PLXNA4: variants seen among roughly 807,000 people sequenced by gnomAD.
PLXNA4 encodes the protein plexin A4, also known as plexin-A4.
PLXNA4 carries 44 observed loss-of-function variants against 191.8 expected under a neutral mutation model. The ratio of observed to expected loss-of-function variants is 0.23; its 90% CI spans 0.18 to 0.29. The LOEUF (loss-of-function observed/expected upper bound fraction) is 0.29. Ranked by LOEUF, PLXNA4 falls within the 10% of genes least tolerant of loss-of-function variation. The pLI is 1.00. For missense variants in PLXNA4, 1,800 were observed against 2,488.8 expected (o/e 0.72, Z 5.89); for synonymous variants, 1,082 against 1,009.5 (o/e 1.07, Z -1.36).
intron 5 of PLXNA4, among the ~76,000 whole-genome samples, chr7:132,240,098 C>T (rs1223319520): frequency 1.3e-5 from 2 of 152,180 alleles, no homozygotes; most frequent in East Asian, 1.9e-4. Flanking sequence ...TCATTGGTCA[C>T]ATGTAGTTCA....
chr7:132,319,273 C>T (rs567978264), intron 3 of PLXNA4, among the ~76,000 whole-genome samples: 3 of 152,190 alleles, frequency 2.0e-5, no homozygotes, highest in Admixed American at 6.5e-5. Flanking sequence ...GAGACTCTCA[C>T]GCAGCATGGC....
chr7:132,163,266 A>C (rs1281393426), intron 24 of PLXNA4, among the ~76,000 whole-genome samples: 12 of 152,216 alleles, frequency 7.9e-5, no homozygotes, highest in Admixed American at 7.8e-4. Context: ...GCACGGTGAC[A>C]GTGGGGAGAG....
intron 21 of PLXNA4, among the ~76,000 whole-genome samples, chr7:132,170,087 A>C (rs976300086): frequency 6.6e-6 from 1 of 152,090 alleles, no homozygotes; most frequent in African/African-American, 2.4e-5. Context: ...GCCTGGTTTC[A>C]GAGTCGGTCA....
intron 3 of PLXNA4, among the ~76,000 whole-genome samples, chr7:132,464,707 C>A (rs1412224089): frequency 2.0e-5 from 3 of 152,176 alleles, no homozygotes; most frequent in Non-Finnish European, 4.4e-5. Context: ...ATACAACAAC[C>A]TTTATTGATC....
intron 3 of PLXNA4, among the ~76,000 whole-genome samples, chr7:132,303,065 C>T (rs1174649207): frequency 4.0e-5 from 6 of 151,494 alleles, no homozygotes; most frequent in South Asian, 4.2e-4. Flanking sequence ...TTAGTAGAGA[C>T]GGGGTTTCAC....
chr7:132,257,767 G>A lies in PLXNA4; in HGVS notation c.1504-16601C>T, dbSNP rs376874040. On this transcript the variant is annotated intron_variant, in intron 4 of 31. Coordinates refer to ENST00000321063, the MANE Select transcript of PLXNA4 (RefSeq NM_020911.2). ...TCAGTTGTGGCCCTGTAGATTTGAA[G>A]GGAAGGCCGTGGGCTGGTTTACTAG... Among the ~76,000 whole-genome samples, 100 of 152,320 alleles carry A rather than the reference G, an allele frequency of 6.6e-4. No homozygotes were observed. The South Asian group carries it at 0.019, about 29-fold the overall frequency.
intron 3 of PLXNA4, among the ~76,000 whole-genome samples, chr7:132,344,377 C>CA (rs1437002050): frequency 6.6e-6 from 1 of 152,018 alleles, no homozygotes; most frequent in Non-Finnish European, 1.5e-5. Context: ...TTTCACAAGA[C>CA]AAAAAAACAG....
chr7:132,438,446 A>C (rs1795558309), intron 3 of PLXNA4, among the ~76,000 whole-genome samples: 1 of 152,242 alleles, frequency 6.6e-6, no homozygotes, highest in South Asian at 2.1e-4. Flanking sequence ...GTAGGTAGAT[A>C]CATAACATTA....
intron 1 of PLXNA4, among the ~76,000 whole-genome samples, chr7:132,572,588 A>G (rs1449293405): frequency 6.6e-6 from 1 of 152,184 alleles, no homozygotes; most frequent in African/African-American, 2.4e-5. Flanking sequence ...CTCTTGTTCC[A>G]GGGGAATCAG....
intron 3 of PLXNA4, among the ~76,000 whole-genome samples, chr7:132,474,042 A>AAAAAC (rs773272032): frequency 2.7e-4 from 41 of 151,672 alleles, no homozygotes; most frequent in Middle Eastern, 3.4e-3. Context: ...AGAAATGACA[A>AAAAAC]AAAACAAAAC....
At chr7:132,450,999 T>A (rs1270787402) in intron 3 of PLXNA4, among the ~76,000 whole-genome samples, 7 of 152,236 alleles carry the variant, frequency 4.6e-5, no homozygotes, top group Non-Finnish European at 8.8e-5. Flanking sequence ...GGTCACCCTC[T>A]CTTCTGTAGC....
intron 2 of PLXNA4, among the ~76,000 whole-genome samples, chr7:132,610,703 C>A (rs954355540): frequency 2.0e-5 from 3 of 152,198 alleles, no homozygotes; most frequent in African/African-American, 7.2e-5. Flanking sequence ...ATTTAAACCC[C>A]AGATGTCATT....
intron 4 of PLXNA4, among the ~76,000 whole-genome samples, chr7:132,293,547 G>A (rs1360157084): frequency 6.6e-6 from 1 of 152,182 alleles, no homozygotes; most frequent in African/African-American, 2.4e-5. Flanking sequence ...TGGGGACACA[G>A]CCAAACCATA....
chr7:132,189,027 AG>A (rs1796999684), intron 14 of PLXNA4, among the ~76,000 whole-genome samples: 13 of 93,616 alleles, frequency 1.4e-4, no homozygotes, highest in East Asian at 1.3e-3. Flanking sequence ...AGAGAGAGAG[AG>A]AAAGAGAGAG....
At chr7:132,226,094 G>C in intron 8 of PLXNA4, 67 bp downstream of exon 8, 6 of 1,433,418 alleles carry the variant, frequency 4.2e-6, no homozygotes, top group Non-Finnish European at 5.9e-6. Context: ...ATAGTGATGG[G>C]GTTTTCTGAT....
intron 11 of PLXNA4, 142 bp from the exon 12 acceptor site, chr7:132,202,978 C>CA: frequency 2.3e-6 from 2 of 876,426 alleles, no homozygotes; most frequent in Non-Finnish European, 3.3e-6. Flanking sequence ...CATTCTGATG[C>CA]AAAAAAGAAC....
At chr7:132,494,507 G>A (rs532646942) in intron 2 of PLXNA4, among the ~76,000 whole-genome samples, 5 of 152,230 alleles carry the variant, frequency 3.3e-5, no homozygotes, top group Admixed American at 2.6e-4. Context: ...CTAGCATCCC[G>A]ACTCGGGAGC....
intron 1 of PLXNA4, among the ~76,000 whole-genome samples, chr7:132,556,472 A>C (rs2116608419): frequency 6.6e-6 from 1 of 152,340 alleles, no homozygotes; most frequent in South Asian, 2.1e-4. Flanking sequence ...TTTTGTAGGA[A>C]GGTTGTGGAG....
chr7:132,194,186 G>A lies in PLXNA4; in HGVS notation c.2739-7C>T. 4 of 1,609,762 alleles carry A rather than the reference G, an allele frequency of 2.5e-6. No homozygotes were observed. The highest frequency in any genetic ancestry group is 3.4e-6 in the Non-Finnish European group (4 of 1,176,898). On this transcript the variant is annotated splice_polypyrimidine_tract_variant and splice_region_variant and intron_variant, in intron 13 of 31. Coordinates refer to ENST00000321063, the MANE Select transcript of PLXNA4 (RefSeq NM_020911.2). ...CCCCATCTCACACACGATCCTGCAG[G>A]GAGGATAGGAGAAATCCCATGGGTC... is the stretch of plus-strand genomic sequence containing the variant.
Sources: allele counts gnomAD v4.1 joint callset (sites outside exome capture counted in the v4.1 genomes callset), GRCh38; gene constraint gnomAD v4.1.1; transcripts MANE v1.5; gene names NCBI Gene and HGNC (gene_info 2026-07-23, HGNC 2026-07-21).